The following METTL24 variants were observed in gnomAD, a reference collection of about 807,000 sequenced individuals.
METTL24 encodes the protein probable methyltransferase-like protein 24.
METTL24 carries 29 observed loss-of-function variants against 32.7 expected under a neutral mutation model. The observed-to-expected ratio is 0.89, with a 90% CI of 0.66 to 1.21. The LOEUF is 1.21. METTL24 is among the 50% of genes most tolerant of loss of function. The pLI is 0.00. For synonymous variants in METTL24, 163 were observed against 179.5 expected (o/e 0.91, Z 0.73); for missense variants, 439 against 468.1 (o/e 0.94, Z 0.57).
chr6:110,316,039 G>A (rs1261238473), intron 2 of METTL24, among the ~76,000 whole-genome samples: 1 of 152,186 alleles, frequency 6.6e-6, no homozygotes, highest in African/African-American at 2.4e-5. Context: ...AGGATGGCAG[G>A]TGTTATCCAA....
chr6:110,276,842 A>C (rs1395232179), intron 4 of METTL24, among the ~76,000 whole-genome samples: 8 of 152,200 alleles, frequency 5.3e-5, no homozygotes, highest in Non-Finnish European at 1.0e-4. Flanking sequence ...AACAAAAAAC[A>C]AACAAAAAAA....
intron 4 of METTL24, among the ~76,000 whole-genome samples, chr6:110,270,216 C>G (rs1387795388): frequency 6.6e-6 from 1 of 152,070 alleles, no homozygotes; most frequent in Non-Finnish European, 1.5e-5. Context: ...TCTTACTTGA[C>G]TTCAGTGGTG....
intron 4 of METTL24, among the ~76,000 whole-genome samples, chr6:110,249,433 A>AGGGGGGTGCCCCCT (rs1409390876): frequency 1.2e-5 from 1 of 83,406 alleles, no homozygotes; most frequent in Non-Finnish European, 2.1e-5. Context: ...CATGCAGCCC[A>AGGGGGGTGCCCCCT]GGGGGAGCAC....
At chr6:110,270,578 T>A (rs543022397) in intron 4 of METTL24, among the ~76,000 whole-genome samples, 7 of 152,230 alleles carry the variant, frequency 4.6e-5, no homozygotes, top group Non-Finnish European at 8.8e-5. Context: ...GAGCTCTGAA[T>A]TTAGTTACAT....
chr6:110,323,099 G>T (rs1343257114), intron 1 of METTL24, among the ~76,000 whole-genome samples: 1 of 152,224 alleles, frequency 6.6e-6, no homozygotes, highest in Non-Finnish European at 1.5e-5. Context: ...TGGGGAATTT[G>T]CAGGAGAATG....
chr6:110,357,964 G>T lies in METTL24; in HGVS notation c.309C>A (p.Pro103=), dbSNP rs556143855. 17 of 1,190,524 alleles carry T rather than the reference G, an allele frequency of 1.4e-5. No homozygotes were observed. The East Asian group carries it at 5.7e-4, about 40-fold the overall frequency. The allele number at this position is 1,190,524 out of a possible 1,614,324, so 73.7% of individuals were successfully genotyped here. ...CCGCTTTGCAACTGACCTTCCGGCG[G>T]GGGCGCCCGCGCGGGGCACAGCAGC... ...EPGCCAPRGR[P]RRKGPRWHID... The change falls in exon 1 of 5, where the codon CCC becomes CCA. Residue 103 remains proline (P), a synonymous_variant. Coordinates refer to ENST00000338882, the MANE Select transcript of METTL24 (RefSeq NM_001123364.3).
intron 3 of METTL24, among the ~76,000 whole-genome samples, chr6:110,302,242 C>T (rs1220685611): frequency 3.3e-5 from 5 of 151,290 alleles, no homozygotes; most frequent in Admixed American, 3.3e-4. Flanking sequence ...CGTGCCACTG[C>T]ACTCCAGCCT....
At chr6:110,322,996 C>T (rs1222511616) in intron 1 of METTL24, 124 bp from the exon 2 acceptor site, 9 of 622,454 alleles carry the variant, frequency 1.4e-5, no homozygotes, top group Admixed American at 2.9e-5. Context: ...CATATGCACA[C>T]AGGCAGCAGG....
intron 1 of METTL24, among the ~76,000 whole-genome samples, chr6:110,328,888 A>C (rs1347711501): frequency 6.6e-6 from 1 of 152,220 alleles, no homozygotes; most frequent in African/African-American, 2.4e-5. Context: ...TTCCTCCTTC[A>C]CAGACCATAT....
intron 4 of METTL24, among the ~76,000 whole-genome samples, chr6:110,295,837 GGAA>G (rs1771406842): frequency 6.7e-6 from 1 of 148,310 alleles, no homozygotes; most frequent in Non-Finnish European, 1.5e-5. Flanking sequence ...AAGGAAGGAA[GGAA>G]GGTTCTCTAT....
At chr6:110,315,826 G>A (rs1195713842) in intron 2 of METTL24, among the ~76,000 whole-genome samples, 1 of 152,176 alleles carries the variant, frequency 6.6e-6, no homozygotes, top group Non-Finnish European at 1.5e-5. Flanking sequence ...TGCTAGTCCT[G>A]GAGGATGAAC....
At chr6:110,308,630 G>C (rs1188168637) in intron 3 of METTL24, among the ~76,000 whole-genome samples, 1 of 152,122 alleles carries the variant, frequency 6.6e-6, no homozygotes, top group Non-Finnish European at 1.5e-5. Context: ...ATAAAAACTT[G>C]TACAGGAATG....
chr6:110,264,299 C>A (rs1479638114), intron 4 of METTL24, among the ~76,000 whole-genome samples: 3 of 152,006 alleles, frequency 2.0e-5, no homozygotes, highest in African/African-American at 4.8e-5. Context: ...ACCCCATCAA[C>A]AAGTGGGGAA....
At chr6:110,355,592 C>T (rs1438676948) in intron 1 of METTL24, among the ~76,000 whole-genome samples, 1 of 152,172 alleles carries the variant, frequency 6.6e-6, no homozygotes, top group Non-Finnish European at 1.5e-5. Context: ...GCCATTTGTA[C>T]TTGGATGATT....
intron 4 of METTL24, among the ~76,000 whole-genome samples, chr6:110,291,382 T>G (rs1315659199): frequency 6.6e-6 from 1 of 152,184 alleles, no homozygotes; most frequent in Non-Finnish European, 1.5e-5. Flanking sequence ...TGATGTGAGA[T>G]TCAAGTCAGG....
At chr6:110,302,694 C>T (rs1771555509) in intron 3 of METTL24, among the ~76,000 whole-genome samples, 2 of 150,204 alleles carry the variant, frequency 1.3e-5, no homozygotes, top group Admixed American at 1.3e-4. Context: ...TATATATATA[C>T]ACATATATGC....
At chr6:110,314,033 A>G (rs1771771229) in intron 3 of METTL24, among the ~76,000 whole-genome samples, 1 of 152,178 alleles carries the variant, frequency 6.6e-6, no homozygotes, top group African/African-American at 2.4e-5. Context: ...TTTGACAGTG[A>G]TGATGATCCT....
At chr6:110,318,915 A>G (rs1375174728) in intron 2 of METTL24, among the ~76,000 whole-genome samples, 1 of 152,244 alleles carries the variant, frequency 6.6e-6, no homozygotes, top group Non-Finnish European at 1.5e-5. Flanking sequence ...TTCCAACTCA[A>G]CTAATTATGT....
intron 4 of METTL24, among the ~76,000 whole-genome samples, chr6:110,291,250 G>A (rs1219602414): frequency 6.6e-6 from 1 of 152,006 alleles, no homozygotes; most frequent in Admixed American, 6.5e-5. Flanking sequence ...GAAATATACT[G>A]TCTAAAAAAT....
Sources: gnomAD v4.1 joint callset for allele counts (sites outside exome capture counted in the v4.1 genomes callset) on GRCh38, gnomAD v4.1.1 for gene constraint, MANE v1.5 for transcripts, NCBI Gene and HGNC (gene_info 2026-07-23, HGNC 2026-07-21) for gene names.